TRAPPC9: variants seen among roughly 807,000 people sequenced by gnomAD.
The protein encoded by TRAPPC9 is IKK2 binding protein.
In TRAPPC9, 83 loss-of-function variants were observed where a neutral mutation model predicts 124.0. The ratio of observed to expected loss-of-function variants is 0.67; its 90% CI spans 0.56 to 0.80. The LOEUF is 0.80. Among genes scored for constraint, TRAPPC9 ranks in the 30% least tolerant of loss-of-function variants. The pLI is 0.00. For missense variants in TRAPPC9, 1,302 were observed against 1,508.3 expected (o/e 0.86, Z 2.27); for synonymous variants, 638 against 617.5 (o/e 1.03, Z -0.49).
chr8:139,871,505 G>A (rs1397057118), intron 21 of TRAPPC9, among the ~76,000 whole-genome samples: 2 of 152,302 alleles, frequency 1.3e-5, no homozygotes, highest in East Asian at 1.9e-4. Context: ...ACACCAGTTG[G>A]CCTAATGCCA....
intron 9 of TRAPPC9, among the ~76,000 whole-genome samples, chr8:140,313,500 T>C (rs1482720773): frequency 6.6e-5 from 10 of 152,312 alleles, no homozygotes; most frequent in African/African-American, 9.6e-5. Flanking sequence ...GGCTGTGCCA[T>C]TTCATTAGAG....
intron 21 of TRAPPC9, among the ~76,000 whole-genome samples, chr8:139,870,267 T>C (rs985440334): frequency 6.6e-6 from 1 of 152,134 alleles, no homozygotes; most frequent in Non-Finnish European, 1.5e-5. Context: ...TCCAGATAAA[T>C]AAAAGGTTTG....
chr8:140,236,623 A>G (rs1438836819), intron 16 of TRAPPC9, among the ~76,000 whole-genome samples: 1 of 152,250 alleles, frequency 6.6e-6, no homozygotes, highest in Non-Finnish European at 1.5e-5. Context: ...TTACACTTCC[A>G]TAAAAAAAGA....
At chr8:140,444,186 T>C (rs538063506) in intron 2 of TRAPPC9, among the ~76,000 whole-genome samples, 2 of 142,294 alleles carry the variant, frequency 1.4e-5, no homozygotes, top group South Asian at 4.4e-4. Context: ...CCCTCCAGCC[T>C]GGGCAACAGA....
intron 18 of TRAPPC9, among the ~76,000 whole-genome samples, chr8:140,023,303 G>C (rs1157773458): frequency 6.6e-6 from 1 of 152,238 alleles, no homozygotes; most frequent in Non-Finnish European, 1.5e-5. Context: ...AGTTCTGGAT[G>C]AGAAATATCA....
At chr8:140,009,209 C>T (rs898640435) in intron 18 of TRAPPC9, among the ~76,000 whole-genome samples, 1 of 152,178 alleles carries the variant, frequency 6.6e-6, no homozygotes, top group Non-Finnish European at 1.5e-5. Context: ...TAGACTCCCC[C>T]ATTTGTACAC....
chr8:139,864,228 G>C lies in TRAPPC9; in HGVS notation c.3055+21651C>G, dbSNP rs531572799. The stretch of plus-strand genomic sequence containing the variant: ...GTACAGTAAGTCCCAGCTGATCCAC[G>C]TCCAAATAGCCCATTCAATTACTCT... On this transcript the variant is annotated intron_variant, in intron 21 of 22. Transcript: ENST00000438773. 3.9e-5 allele frequency among the ~76,000 whole-genome samples: 6 copies of C among 152,124 alleles called. No homozygotes were observed. In the South Asian group the frequency reaches 6.2e-4, roughly 16 times the overall value.
intron 17 of TRAPPC9, among the ~76,000 whole-genome samples, chr8:140,128,024 T>C (rs935424798): frequency 6.6e-6 from 1 of 152,258 alleles, no homozygotes; most frequent in African/African-American, 2.4e-5. Context: ...CTTACTAAAA[T>C]GATTCATGGT....
intron 21 of TRAPPC9, among the ~76,000 whole-genome samples, chr8:139,866,097 CA>C (rs59777437): frequency 9.2e-5 from 9 of 98,122 alleles, no homozygotes; most frequent in Non-Finnish European, 1.0e-4. Flanking sequence ...GACCTGGGAT[CA>C]AAGGAATGTC....
chr8:140,288,157 C>T (rs2065544449), intron 12 of TRAPPC9, among the ~76,000 whole-genome samples: 2 of 152,160 alleles, frequency 1.3e-5, no homozygotes, highest in African/African-American at 4.8e-5. Flanking sequence ...ACCTGGGCAA[C>T]ACAGTAAGAC....
intron 21 of TRAPPC9, among the ~76,000 whole-genome samples, chr8:139,810,846 G>C (rs1203603305): frequency 6.6e-6 from 1 of 152,186 alleles, no homozygotes; most frequent in Non-Finnish European, 1.5e-5. Context: ...CTCAGGATAG[G>C]TGGGGGAGTC....
chr8:140,012,870 C>T (rs146461209), intron 18 of TRAPPC9, among the ~76,000 whole-genome samples: 8 of 152,228 alleles, frequency 5.3e-5, no homozygotes, highest in African/African-American at 1.4e-4. Context: ...AGAGGGTCAC[C>T]GTAAGTTCTG....
chr8:140,311,826 C>T (rs2066305777), intron 9 of TRAPPC9, among the ~76,000 whole-genome samples: 1 of 152,186 alleles, frequency 6.6e-6, no homozygotes, highest in Admixed American at 6.5e-5. Flanking sequence ...TACAAATCAA[C>T]ATTTTTGATG....
Position 139,902,424 on chromosome 8 carries a change from G to A in TRAPPC9, c.2964+7723C>T, listed in dbSNP as rs1034830138. On this transcript the variant is annotated intron_variant, in intron 20 of 22. Transcript: ENST00000438773. Reference sequence around the variant, plus strand: ...CAGGACGTCTCTCTGTGGCTGACAGGGCTTCCCTGCTACGGGAGATTAAAG... The same window carrying A: ...CAGGACGTCTCTCTGTGGCTGACAGAGCTTCCCTGCTACGGGAGATTAAAG... Among the ~76,000 whole-genome samples, 42 of 152,142 alleles carry A rather than the reference G, an allele frequency of 2.8e-4. 1 individual carries two copies. The highest frequency in any genetic ancestry group is 7.4e-5 in the Non-Finnish European group (5 of 68,024).
intron 5 of TRAPPC9, among the ~76,000 whole-genome samples, chr8:140,410,540 A>C (rs1323025127): frequency 6.6e-6 from 1 of 151,912 alleles, no homozygotes; most frequent in East Asian, 1.9e-4. Context: ...CATCTCAAAA[A>C]TAAAACAACA....
chr8:140,138,143 A>G (rs1475061819), intron 17 of TRAPPC9, among the ~76,000 whole-genome samples: 1 of 152,166 alleles, frequency 6.6e-6, no homozygotes. Flanking sequence ...TCTGCTAAAA[A>G]TACAAAAATT....
At chr8:139,745,490 C>G (rs577315496) in intron 21 of TRAPPC9, among the ~76,000 whole-genome samples, 19 of 152,370 alleles carry the variant, frequency 1.2e-4, no homozygotes, top group African/African-American at 4.3e-4. Flanking sequence ...TGCAGCGGCT[C>G]CAGCTCAGCT....
intron 9 of TRAPPC9, among the ~76,000 whole-genome samples, chr8:140,356,580 A>G (rs1027610274): frequency 6.6e-6 from 1 of 152,040 alleles, no homozygotes; most frequent in Non-Finnish European, 1.5e-5. Flanking sequence ...ACACACATAC[A>G]GTGTACAAAC....
At chr8:140,001,244 G>T (rs1452301228) in intron 18 of TRAPPC9, among the ~76,000 whole-genome samples, 1 of 152,080 alleles carries the variant, frequency 6.6e-6, no homozygotes, top group Non-Finnish European at 1.5e-5. Context: ...CACACCAGGG[G>T]GGTGAGGGGC....
Sources: gnomAD v4.1 joint callset for allele counts (sites outside exome capture counted in the v4.1 genomes callset) on GRCh38, gnomAD v4.1.1 for gene constraint, MANE v1.5 for transcripts, NCBI Gene and HGNC (gene_info 2026-07-23, HGNC 2026-07-21) for gene names.